LCMT1: variants seen among roughly 807,000 people sequenced by gnomAD.
LCMT1 encodes [Phosphatase 2A protein]-leucine-carboxy methyltransferase 1.
LCMT1 carries 32 observed loss-of-function variants against 47.7 expected under a neutral mutation model. The ratio of observed to expected loss-of-function variants is 0.67; its 90% confidence interval spans 0.51 to 0.90. The LOEUF is 0.90. Ranked by LOEUF, LCMT1 falls within the 40% of genes least tolerant of loss-of-function variation. The probability of loss-of-function intolerance (pLI) is 0.00; values close to 1 mark genes in which losing one functional copy is unlikely to be tolerated. For missense variants in LCMT1, 375 were observed against 415.2 expected, an observed-to-expected ratio of 0.90 and a Z score of 0.84; for synonymous variants, 152 against 149.7, an observed-to-expected ratio of 1.02 and a Z score of -0.11.
At chr16:25,159,188 A>C (rs891046597) in intron 5 of LCMT1, among the ~76,000 whole-genome samples, 2 of 152,248 alleles carry the variant, frequency 1.3e-5, no homozygotes, top group Admixed American at 6.5e-5. Context: ...AAATGTGCTT[A>C]TTATTAATAT....
chr16:25,115,711 G>T (rs780072961), intron 1 of LCMT1, among the ~76,000 whole-genome samples: 18 of 152,144 alleles, frequency 1.2e-4, no homozygotes, highest in Non-Finnish European at 4.4e-5. Context: ...GAGTTTGGCT[G>T]TTGTTGCCCA....
At chr16:25,158,731 A>G (rs544752416) in intron 5 of LCMT1, 34 of 152,372 alleles carry the variant, frequency 2.2e-4, no homozygotes, top group African/African-American at 7.7e-4. Flanking sequence ...GTTCCCTACA[A>G]AATAATGATA....
At chr16:25,118,838 A>AGAGCATGG (rs1959880098) in intron 1 of LCMT1, among the ~76,000 whole-genome samples, 1 of 151,884 alleles carries the variant, frequency 6.6e-6, no homozygotes, top group Non-Finnish European at 1.5e-5. Context: ...TAGATCTCGG[A>AGAGCATGG]GAGCATGGGT....
chr16:25,150,294 A>ACTTCAAG (rs1961034171), intron 4 of LCMT1, among the ~76,000 whole-genome samples: 1 of 145,680 alleles, frequency 6.9e-6, no homozygotes, highest in Non-Finnish European at 1.5e-5. Context: ...TCAAACTGTG[A>ACTTCAAG]CTTCAAGCTC....
intron 7 of LCMT1, among the ~76,000 whole-genome samples, chr16:25,168,145 T>C (rs190883689): frequency 9.2e-5 from 14 of 152,066 alleles, no homozygotes; most frequent in Admixed American, 2.6e-4. Context: ...GCCTCCTGGG[T>C]TCAAGTGATT....
intron 10 of LCMT1, among the ~76,000 whole-genome samples, chr16:25,175,863 C>A (rs943167228): frequency 3.3e-5 from 5 of 152,108 alleles, no homozygotes; most frequent in Non-Finnish European, 7.3e-5. Context: ...TTTTATAGCA[C>A]AAAAACCAAG....
intron 4 of LCMT1, chr16:25,141,895 C>T (rs1157999130): frequency 2.0e-5 from 3 of 151,478 alleles, no homozygotes; most frequent in Non-Finnish European, 4.4e-5. Context: ...AGCTGTCTGA[C>T]AGTATGCAAA....
chr16:25,175,904 A>G (rs1961917074), intron 10 of LCMT1, among the ~76,000 whole-genome samples: 1 of 152,194 alleles, frequency 6.6e-6, no homozygotes, highest in South Asian at 2.1e-4. Flanking sequence ...GCCCAAAACA[A>G]CCCTTGAGAG....
chr16:25,128,963 C>T (rs1419861650), intron 2 of LCMT1, among the ~76,000 whole-genome samples: 1 of 143,344 alleles, frequency 7.0e-6, no homozygotes, highest in Non-Finnish European at 1.5e-5. Flanking sequence ...GCATGCAGGG[C>T]TTAAAAATCT....
At chr16:25,123,265 C>T (rs1438793532) in intron 1 of LCMT1, among the ~76,000 whole-genome samples, 2 of 131,622 alleles carry the variant, frequency 1.5e-5, no homozygotes, top group Non-Finnish European at 3.1e-5. Context: ...TGCTCTGTTG[C>T]CCAGGCTAGA....
intron 1 of LCMT1, among the ~76,000 whole-genome samples, chr16:25,119,065 C>T (rs1959887830): frequency 6.6e-6 from 1 of 152,130 alleles, no homozygotes; most frequent in Non-Finnish European, 1.5e-5. Flanking sequence ...GGGGTGTCCC[C>T]TGTGAGACAG....
intron 5 of LCMT1, among the ~76,000 whole-genome samples, chr16:25,160,118 T>C (rs1961378372): frequency 6.6e-6 from 1 of 152,088 alleles, no homozygotes. Context: ...CCAGCTAATT[T>C]TTGTATTTTT....
Position 25,169,946 on chromosome 16 carries a change from G to A in LCMT1, c.792+733G>A, listed in dbSNP as rs545064752. Among the ~76,000 whole-genome samples the A allele has an allele frequency of 5.3e-5, 8 of 152,054 alleles. No individual in the cohort carries two copies. In the East Asian group the frequency reaches 5.8e-4, roughly 11 times the overall value. On this transcript the variant is annotated intron_variant, in intron 8 of 10. Transcript: ENST00000399069. ...AGTAGGTTCATTTTTTTGGGCGGGC[G>A]CGGTGGCTCACACCTATAATCCCAG...
chr16:25,125,664 T>C (rs1567309026), intron 1 of LCMT1, among the ~76,000 whole-genome samples: 2 of 151,886 alleles, frequency 1.3e-5, no homozygotes, highest in African/African-American at 4.8e-5. Context: ...AAACCCCGTC[T>C]CTACTAAAAA....
At chr16:25,153,206 C>T (rs1961132955) in intron 5 of LCMT1, among the ~76,000 whole-genome samples, 1 of 152,228 alleles carries the variant, frequency 6.6e-6, no homozygotes, top group African/African-American at 2.4e-5. Flanking sequence ...TTTTCAGGTA[C>T]TTAACAGCCA....
intron 6 of LCMT1, 23 bp from the exon 7 acceptor site, chr16:25,164,575 G>A: frequency 6.2e-7 from 1 of 1,613,808 alleles, no homozygotes; most frequent in South Asian, 1.1e-5. Flanking sequence ...AAATTTATGT[G>A]CCTTTTTTTC....
At chr16:25,170,883 G>A in intron 9 of LCMT1, 78 bp downstream of exon 9, 1 of 909,524 alleles carries the variant, frequency 1.1e-6, no homozygotes, top group Non-Finnish European at 1.7e-6. Flanking sequence ...CTTTCATGCA[G>A]AAAAACAGAA....
intron 8 of LCMT1, among the ~76,000 whole-genome samples, chr16:25,169,749 T>TA (rs1961696188): frequency 7.0e-6 from 1 of 143,178 alleles, no homozygotes; most frequent in Non-Finnish European, 1.5e-5. Context: ...CCCAGTTGTT[T>TA]AAAAAACCTT....
At chr16:25,129,372 A>G (rs1319775121) in intron 2 of LCMT1, among the ~76,000 whole-genome samples, 1 of 152,162 alleles carries the variant, frequency 6.6e-6, no homozygotes, top group East Asian at 1.9e-4. Flanking sequence ...ATTAAATTTA[A>G]TGAATTCAAA....
Sources: gnomAD v4.1 joint callset for allele counts (sites outside exome capture counted in the v4.1 genomes callset) on GRCh38, gnomAD v4.1.1 for gene constraint, MANE v1.5 for transcripts, NCBI Gene and HGNC (gene_info 2026-07-23, HGNC 2026-07-21) for gene names.